Variants in BCL11B observed in about 807,000 individuals in gnomAD.
BCL11B encodes B-cell lymphoma/leukemia 11B.
BCL11B carries 8 observed loss-of-function variants against 49.9 expected under a neutral mutation model. The ratio of observed to expected loss-of-function variants is 0.16; its 90% confidence interval spans 0.09 to 0.29. The LOEUF (loss-of-function observed/expected upper bound fraction) is 0.29, where lower values mean the gene tolerates loss of function less well. BCL11B is among the 10% of genes least tolerant of loss of function. The pLI is 1.00. For missense variants in BCL11B, 1,006 were observed against 1,351.0 expected (o/e 0.74, Z 4.00); for synonymous variants, 739 against 637.4 (o/e 1.16, Z -2.40).
At chr14:99,234,045 G>A (rs1485964799) in intron 2 of BCL11B, among the ~76,000 whole-genome samples, 1 of 152,156 alleles carries the variant, frequency 6.6e-6, no homozygotes, top group African/African-American at 2.4e-5. Context: ...TACTGCAAAA[G>A]CCCAAAGTGA....
In BCL11B at chr14:99,262,929, T is replaced by C. The variant is rs1202457201; in HGVS notation, c.59-5090A>G. On this transcript the variant is annotated intron_variant, in intron 1 of 3. Transcript: ENST00000357195. The surrounding 1 kb of genome is among the most constrained non-coding windows in gnomAD (Gnocchi z 4.2). ...GTGGAGAAAATAATCTATGACTAGA[T>C]GACGCTTAAAGGCACGACAAGAGAT... 1 of 152,102 alleles carries C rather than the reference T, an allele frequency of 6.6e-6. No homozygotes were observed. Among genetic ancestry groups the C allele is most frequent in the Non-Finnish European group, 1.5e-5 (1 of 68,028 alleles). The allele number at this position is 152,102 out of a possible 1,614,324, so 9.4% of individuals were successfully genotyped here. A position where few individuals can be genotyped will look rare whatever the true frequency, so the allele number is the denominator to read the frequency against.
chr14:99,192,381 T>G lies in BCL11B; in HGVS notation c.641-16186A>C, dbSNP rs902097907. ...TTAAATGGGGAACAGAGCAGGGCTT[T>G]CGGGGCCCCGCTCGCCACAATAGGG... On this transcript the variant is annotated intron_variant, in intron 3 of 3. Coordinates refer to ENST00000357195, the MANE Select transcript of BCL11B (RefSeq NM_138576.4). The surrounding 1 kb of genome is among the most constrained non-coding windows in gnomAD (Gnocchi z 4.0). Among the ~76,000 whole-genome samples, 2 of 152,136 alleles carry G rather than the reference T, an allele frequency of 1.3e-5. No individual in the cohort carries two copies. Among genetic ancestry groups the G allele is most frequent in the Non-Finnish European group, 2.9e-5 (2 of 68,020 alleles).
intron 3 of BCL11B, among the ~76,000 whole-genome samples, chr14:99,190,628 A>G (rs1886997601): frequency 6.6e-6 from 1 of 152,216 alleles, no homozygotes; most frequent in Non-Finnish European, 1.5e-5. Flanking sequence ...AAGGAAGGAA[A>G]GGAGGGAGGA....
chr14:99,177,524 G>C (rs541859371), intron 3 of BCL11B, among the ~76,000 whole-genome samples: 3 of 149,932 alleles, frequency 2.0e-5, no homozygotes, highest in Non-Finnish European at 4.4e-5. Flanking sequence ...GACAGGACCC[G>C]TCTTGCAGCA....
At position 99,170,503 on chromosome 14, in the gene BCL11B, A is replaced by C. The variant is rs1248954220; in HGVS notation, c.*3648T>G. On this transcript the variant is annotated 3_prime_UTR_variant, in exon 4 of 4. Coordinates refer to ENST00000357195, the MANE Select transcript of BCL11B (RefSeq NM_138576.4). ...TTATCTTAAAGCTACTTGGCTTTAC[A>C]AAAAATAAAAATAAAATAGAGGATT... The C allele has an allele frequency of 1.7e-5, 4 of 228,802 alleles. No individual in the cohort carries two copies. Among genetic ancestry groups the C allele is most frequent in the Non-Finnish European group, 3.5e-5 (4 of 115,164 alleles). The allele number at this position is 228,802 out of a possible 1,614,324, so 14.2% of individuals were successfully genotyped here.
chr14:99,237,791 G>A (rs764491022), intron 2 of BCL11B, among the ~76,000 whole-genome samples: 4 of 152,122 alleles, frequency 2.6e-5, no homozygotes, highest in East Asian at 1.9e-4. Context: ...CTATGTGGGC[G>A]GCTAGCTGAA....
intron 2 of BCL11B, among the ~76,000 whole-genome samples, chr14:99,246,718 G>A (rs1888853315): frequency 1.1e-4 from 1 of 9,176 alleles, no homozygotes; most frequent in Non-Finnish European, 2.4e-4. Flanking sequence ...TGGAGGGAGG[G>A]GCCTGAAGAC....
chr14:99,265,293 A>C (rs1889448716), intron 1 of BCL11B, among the ~76,000 whole-genome samples: 1 of 152,086 alleles, frequency 6.6e-6, no homozygotes, highest in South Asian at 2.1e-4. Context: ...GTCCCCAAAG[A>C]CCATTTACTT....
intron 2 of BCL11B, among the ~76,000 whole-genome samples, chr14:99,255,405 GAAAAAAAAAAAAAAAA>G (rs67440207): frequency 1.2e-4 from 8 of 65,182 alleles, no homozygotes; most frequent in Admixed American, 6.7e-4. Context: ...TCACAACCTG[GAAAAAAAAAAAAAAAA>G]AAAAAAAAAA....
At position 99,242,122 on chromosome 14, in the gene BCL11B, C is replaced by A. The variant is rs541438670; in HGVS notation, c.428-10565G>T. Among the ~76,000 whole-genome samples the A allele has an allele frequency of 1.2e-4, 19 of 152,206 alleles. No individual in the cohort carries two copies. Among genetic ancestry groups the A allele is most frequent in the South Asian group, 6.2e-4 (3 of 4,822 alleles). Reference sequence around the variant, plus strand: ...CTGAAGGAAGACTTTCTGAGCGGTTCGGTTCAGAGTTTTAGGAGAACAAGA... The same window carrying A: ...CTGAAGGAAGACTTTCTGAGCGGTTAGGTTCAGAGTTTTAGGAGAACAAGA... On this transcript the variant is annotated intron_variant, in intron 2 of 3. Coordinates refer to ENST00000357195, the MANE Select transcript of BCL11B (RefSeq NM_138576.4). The surrounding 1 kb of genome is among the most constrained non-coding windows in gnomAD (Gnocchi z 4.4).
Position 99,174,778 on chromosome 14 carries a change from C to T in BCL11B, c.2058G>A (p.Lys686=), listed in dbSNP as rs763163522. ...LPSPGLNSAA[K]RIKVEKDLEL... The stretch of plus-strand genomic sequence containing the variant: ...CCAGGTCCTTCTCCACCTTGATGCG[C>T]TTGGCGGCGCTGTTGAGCCCGGGGC... The change falls in exon 4 of 4, where the codon AAG becomes AAA. Residue 686 remains lysine (K), a synonymous_variant. Coordinates refer to ENST00000357195, the MANE Select transcript of BCL11B (RefSeq NM_138576.4). 7.5e-6 allele frequency: 11 copies of T among 1,465,438 alleles called. No individual in the cohort carries two copies. The highest frequency in any genetic ancestry group is 9.0e-6 in the Non-Finnish European group (10 of 1,109,050). 90.8% of individuals were successfully genotyped at this position (1,465,438 alleles called of 1,614,324 possible). A position where few individuals can be genotyped will look rare whatever the true frequency, so the allele number is the denominator to read the frequency against.
At chr14:99,255,726 G>T (rs1189430339) in intron 2 of BCL11B, among the ~76,000 whole-genome samples, 1 of 152,208 alleles carries the variant, frequency 6.6e-6, no homozygotes, top group Non-Finnish European at 1.5e-5. Context: ...AACTGTCCCT[G>T]GAATGTGGAC....
intron 3 of BCL11B, among the ~76,000 whole-genome samples, chr14:99,208,409 C>T (rs1887595112): frequency 6.6e-6 from 1 of 152,170 alleles, no homozygotes; most frequent in Non-Finnish European, 1.5e-5. Flanking sequence ...CTGCTAATCA[C>T]CACATTATTT....
At position 99,242,771 on chromosome 14, in the gene BCL11B, G is replaced by T. The variant is rs529421331; in HGVS notation, c.428-11214C>A. On this transcript the variant is annotated intron_variant, in intron 2 of 3. Transcript: ENST00000357195. This position sits in a 1 kb window ranked among gnomAD's most constrained non-coding sequence, Gnocchi z 4.4. ...AATTCAAGTAATCCAGCTTTTGCTG[G>T]AAAAAAGAAATCAAGACACTTCCAA... Among the ~76,000 whole-genome samples, 1 of 152,300 alleles carries T rather than the reference G, an allele frequency of 6.6e-6. No homozygotes were observed. The highest frequency in any genetic ancestry group is 2.1e-4 in the South Asian group (1 of 4,826).
rs1212643108 is a variant in BCL11B, at chr14:99,171,342, A to G, written c.*2809T>C. 1 of 223,286 alleles carries G rather than the reference A, an allele frequency of 4.5e-6. No homozygotes were observed. The highest frequency in any genetic ancestry group is 1.8e-4 in the South Asian group (1 of 5,438). 13.8% of individuals were successfully genotyped at this position (223,286 alleles called of 1,614,324 possible). On this transcript the variant is annotated 3_prime_UTR_variant, in exon 4 of 4. Transcript: ENST00000357195. ...TTTCTCCTGTACAATAGGACTTAACATACAAATGTGTTTTTTTTGCAATAT... is the reference window on the plus strand; with the variant it reads ...TTTCTCCTGTACAATAGGACTTAACGTACAAATGTGTTTTTTTTGCAATAT...
intron 3 of BCL11B, among the ~76,000 whole-genome samples, chr14:99,176,817 AG>A (rs1340308276): frequency 6.6e-6 from 1 of 152,072 alleles, no homozygotes; most frequent in African/African-American, 2.4e-5. Flanking sequence ...CTTCCCAGGG[AG>A]GGGGGCAAGA....
intron 2 of BCL11B, among the ~76,000 whole-genome samples, chr14:99,233,308 G>A (rs747367651): frequency 2.6e-5 from 4 of 152,112 alleles, no homozygotes; most frequent in Non-Finnish European, 4.4e-5. Flanking sequence ...CATTCCACTG[G>A]GGGAAAACTG....
At chr14:99,209,298 G>A (rs1887622565) in intron 3 of BCL11B, among the ~76,000 whole-genome samples, 1 of 152,038 alleles carries the variant, frequency 6.6e-6, no homozygotes, top group Admixed American at 6.5e-5. Flanking sequence ...TAATCCTACT[G>A]GACCCCAAAA....
At chr14:99,202,803 T>C (rs1282655548) in intron 3 of BCL11B, among the ~76,000 whole-genome samples, 9 of 152,296 alleles carry the variant, frequency 5.9e-5, no homozygotes, top group Admixed American at 2.0e-4. Flanking sequence ...AGAACAAGCC[T>C]GGGGTCTCAT....
Sources: gnomAD v4.1 joint callset for allele counts (sites outside exome capture counted in the v4.1 genomes callset) on GRCh38, gnomAD v4.1.1 for gene constraint, Gnocchi (gnomAD v3.1) non-coding constraint, MANE v1.5 for transcripts, NCBI Gene and HGNC (gene_info 2026-07-23, HGNC 2026-07-21) for gene names.